The following STXBP5 variants were observed in gnomAD, a reference collection of about 807,000 sequenced individuals.
The protein encoded by STXBP5 is syntaxin-binding protein 5.
A neutral mutation model predicts 152.4 loss-of-function variants in STXBP5; 50 were observed. The observed-to-expected ratio is 0.33, with a 90% CI of 0.26 to 0.42. The LOEUF (loss-of-function observed/expected upper bound fraction) is 0.42, where lower values mean the gene tolerates loss of function less well. STXBP5 is among the 10% of genes least tolerant of loss of function. The pLI, the probability that STXBP5 is intolerant of heterozygous loss-of-function variation, is 1.00. For missense variants in STXBP5, 1,167 were observed against 1,388.6 expected (o/e 0.84, Z 2.54); for synonymous variants, 492 against 494.7 (o/e 0.99, Z 0.07).
At chr6:147,293,881 G>A (rs1485582871) in intron 9 of STXBP5, among the ~76,000 whole-genome samples, 1 of 151,708 alleles carries the variant, frequency 6.6e-6, no homozygotes, top group Admixed American at 6.6e-5. Context: ...GGTGCTGAAT[G>A]TGAAGAAGAA....
chr6:147,303,892 T>A (rs991619690), intron 9 of STXBP5, among the ~76,000 whole-genome samples: 1 of 152,120 alleles, frequency 6.6e-6, no homozygotes, highest in Non-Finnish European at 1.5e-5. Flanking sequence ...GTCCTAGAGA[T>A]CTGTGGAACT....
At chr6:147,376,553 A>G (rs1426551582) in intron 26 of STXBP5, among the ~76,000 whole-genome samples, 1 of 152,188 alleles carries the variant, frequency 6.6e-6, no homozygotes. Context: ...GTCGAGTCTC[A>G]CACCTGTAAT....
chr6:147,287,776 T>C (rs574929936), intron 8 of STXBP5, among the ~76,000 whole-genome samples: 3 of 152,340 alleles, frequency 2.0e-5, no homozygotes, highest in Non-Finnish European at 4.4e-5. Flanking sequence ...TTTGTTTCTA[T>C]GGAATAAATA....
Position 147,363,334 on chromosome 6 carries a change from G to T in STXBP5, c.2546-1G>T. On this transcript the variant is annotated splice_acceptor_variant, in intron 23 of 27. Transcript: ENST00000321680. LOFTEE classifies it high-confidence loss of function. ...TTATTTACTAGACTTCTATATTTTA[G>T]GTACTATATTGAGGTTAAAAGGTGC... 1 of 1,559,084 alleles carries T rather than the reference G, an allele frequency of 6.4e-7. No individual in the cohort carries two copies. The highest frequency in any genetic ancestry group is 8.6e-7 in the Non-Finnish European group (1 of 1,158,466).
chr6:147,295,665 C>G (rs1228704368), intron 9 of STXBP5, among the ~76,000 whole-genome samples: 1 of 152,168 alleles, frequency 6.6e-6, no homozygotes, highest in African/African-American at 2.4e-5. Context: ...GTGGGGAAAA[C>G]GTAAGCCATA....
chr6:147,365,488 T>G (rs1253095063), intron 25 of STXBP5, among the ~76,000 whole-genome samples: 1 of 152,230 alleles, frequency 6.6e-6, no homozygotes, highest in African/African-American at 2.4e-5. Flanking sequence ...CAATTTATTC[T>G]ATCCTTTAGT....
At chr6:147,303,168 G>A (rs902223340) in intron 9 of STXBP5, among the ~76,000 whole-genome samples, 4 of 152,096 alleles carry the variant, frequency 2.6e-5, no homozygotes, top group African/African-American at 7.2e-5. Flanking sequence ...TACTGATATG[G>A]TTTGACTGTG....
intron 25 of STXBP5, among the ~76,000 whole-genome samples, chr6:147,364,877 A>G (rs569401126): frequency 6.6e-6 from 1 of 152,314 alleles, no homozygotes; most frequent in South Asian, 2.1e-4. Flanking sequence ...ACACATTTGC[A>G]AATTTGAATT....
At chr6:147,314,564 A>C (rs770696336) in intron 13 of STXBP5, 32 bp from the exon 14 acceptor site, 11 of 1,600,272 alleles carry the variant, frequency 6.9e-6, no homozygotes, top group Non-Finnish European at 9.4e-6. Flanking sequence ...CTGTAATTTT[A>C]TTCATCACAT....
At chr6:147,254,407 C>G (rs1307342693) in intron 4 of STXBP5, among the ~76,000 whole-genome samples, 1 of 152,062 alleles carries the variant, frequency 6.6e-6, no homozygotes, top group African/African-American at 2.4e-5. Flanking sequence ...ACTATAACAC[C>G]AAAAGCAATG....
At chr6:147,319,827 T>G (rs1031959763) in intron 16 of STXBP5, among the ~76,000 whole-genome samples, 2 of 116,448 alleles carry the variant, frequency 1.7e-5, no homozygotes, top group Non-Finnish European at 3.5e-5. Flanking sequence ...CTATCTGGAT[T>G]CTTTTTTTTT....
rs546874179 is a variant in STXBP5 at position 147,268,591 on chromosome 6, C to G, written c.714+1424C>G. ...CACTAGTCAGGATCTTCAAATTAAA[C>G]AAGCATGTTTTGAATAAATACAGTT... On this transcript the variant is annotated intron_variant, in intron 7 of 27. Coordinates refer to ENST00000321680, the MANE Select transcript of STXBP5 (RefSeq NM_001127715.4). Among the ~76,000 whole-genome samples, 70 of 152,290 alleles carry G rather than the reference C, an allele frequency of 4.6e-4. 1 individual carries two copies. Among genetic ancestry groups the G allele is most frequent in the African/African-American group, 1.5e-3 (64 of 41,560 alleles).
At chr6:147,297,793 T>A (rs1239024824) in intron 9 of STXBP5, among the ~76,000 whole-genome samples, 1 of 152,044 alleles carries the variant, frequency 6.6e-6, no homozygotes, top group Non-Finnish European at 1.5e-5. Flanking sequence ...CTTAAAATAG[T>A]CTGTTGTAAC....
intron 7 of STXBP5, among the ~76,000 whole-genome samples, chr6:147,273,102 C>T (rs1780256738): frequency 6.6e-6 from 1 of 151,100 alleles, no homozygotes. Context: ...TCTGTAATCC[C>T]AGCTCTTTGA....
chr6:147,294,395 T>C (rs1164830126), intron 9 of STXBP5, among the ~76,000 whole-genome samples: 1 of 152,020 alleles, frequency 6.6e-6, no homozygotes, highest in Non-Finnish European at 1.5e-5. Context: ...GTTAAAAAAT[T>C]AGATAAATAT....
At chr6:147,328,813 C>T (rs1405060232) in intron 18 of STXBP5, 4 of 465,740 alleles carry the variant, frequency 8.6e-6, no homozygotes, top group Non-Finnish European at 1.8e-5. Context: ...CATGTTTGTT[C>T]TTTGTAAAAT....
In STXBP5 at chr6:147,315,671, G is replaced by A. The variant is rs756782066; in HGVS notation, c.1559G>A (p.Gly520Glu). 1 of 1,613,882 alleles carries A rather than the reference G, an allele frequency of 6.2e-7. No homozygotes were observed. Among genetic ancestry groups the A allele is most frequent in the South Asian group, 1.1e-5 (1 of 91,076 alleles). ...GAAAGTAGAATGCTGTGCATCGCTG[G>A]AGTTTCAGCTCATGTCATTATTTAT... ...CPESRMLCIA[G>E]VSAHVIIYRF... The change falls in exon 15 of 28, where the codon GGA becomes GAA. Residue 520 changes from glycine (G) to glutamate (E), a missense_variant. Transcript: ENST00000321680.
intron 2 of STXBP5, among the ~76,000 whole-genome samples, chr6:147,218,036 T>G (rs1053606964): frequency 2.6e-5 from 4 of 152,190 alleles, no homozygotes; most frequent in Non-Finnish European, 2.9e-5. Context: ...TTAATATATT[T>G]TCTAAATAGA....
chr6:147,258,541 C>T (rs1779491335), intron 4 of STXBP5, among the ~76,000 whole-genome samples: 1 of 152,130 alleles, frequency 6.6e-6, no homozygotes, highest in African/African-American at 2.4e-5. Context: ...TCACGCCATT[C>T]TCGTGCCTCA....
Sources: gnomAD v4.1 joint callset for allele counts (sites outside exome capture counted in the v4.1 genomes callset) on GRCh38, gnomAD v4.1.1 for gene constraint, MANE v1.5 for transcripts, NCBI Gene and HGNC (gene_info 2026-07-23, HGNC 2026-07-21) for gene names.